The following HAPLN1 variants were observed in gnomAD, a reference collection of about 807,000 sequenced individuals.
HAPLN1 encodes the protein Cartilage link protein.
In HAPLN1, 13 loss-of-function variants were observed where a neutral mutation model predicts 36.5. The ratio of observed to expected loss-of-function variants is 0.36; its 90% confidence interval spans 0.23 to 0.57. The LOEUF (loss-of-function observed/expected upper bound fraction) is 0.57. Ranked by LOEUF, HAPLN1 falls within the 20% of genes least tolerant of loss-of-function variation. The pLI is 0.83. For synonymous variants in HAPLN1, 202 were observed against 169.8 expected (o/e 1.19, Z -1.48); for missense variants, 407 against 439.7 (o/e 0.93, Z 0.66).
Position 83,641,298 on chromosome 5 carries a change from T to C in HAPLN1, c.*198A>G. The C allele has an allele frequency of 3.4e-6, 1 of 292,448 alleles. No homozygotes were observed. Among genetic ancestry groups the C allele is most frequent in the East Asian group, 6.3e-5 (1 of 15,750 alleles). 18.1% of individuals were successfully genotyped at this position (292,448 alleles called of 1,614,324 possible). On this transcript the variant is annotated 3_prime_UTR_variant, in exon 5 of 5. Coordinates refer to ENST00000274341, the MANE Select transcript of HAPLN1 (RefSeq NM_001884.4). The stretch of plus-strand genomic sequence containing the variant: ...TTACATAGAGCTTCCCTTAAATTTA[T>C]ATTAATTTATAATATATATTGAATG...
At chr5:83,642,804 G>A (rs1749739272) in intron 4 of HAPLN1, among the ~76,000 whole-genome samples, 1 of 152,140 alleles carries the variant, frequency 6.6e-6, no homozygotes, top group South Asian at 2.1e-4. Flanking sequence ...TAGAGGTTAA[G>A]TACAATCATC....
chr5:83,647,105 G>A (rs1034194085), intron 3 of HAPLN1, among the ~76,000 whole-genome samples: 1 of 152,048 alleles, frequency 6.6e-6, no homozygotes, highest in Non-Finnish European at 1.5e-5. Context: ...CATAAACATC[G>A]GGACAAGTTT....
chr5:83,642,507 GTT>G (rs943500938), intron 4 of HAPLN1, among the ~76,000 whole-genome samples: 7 of 152,140 alleles, frequency 4.6e-5, no homozygotes, highest in Admixed American at 2.6e-4. Context: ...ATTGAATAGT[GTT>G]AATTACTGAG....
At chr5:83,666,241 T>C (rs552786352) in intron 2 of HAPLN1, among the ~76,000 whole-genome samples, 1 of 152,164 alleles carries the variant, frequency 6.6e-6, no homozygotes, top group South Asian at 2.1e-4. Flanking sequence ...TATTATTTCT[T>C]GATATTTGGT....
chr5:83,647,837 G>A (rs1294982470), intron 3 of HAPLN1, among the ~76,000 whole-genome samples: 1 of 152,038 alleles, frequency 6.6e-6, no homozygotes, highest in Non-Finnish European at 1.5e-5. Context: ...AAAAGGCAGC[G>A]ACCATGTAGC....
intron 2 of HAPLN1, 91 bp downstream of exon 2, chr5:83,673,333 G>A: frequency 3.5e-6 from 3 of 856,964 alleles, no homozygotes; most frequent in East Asian, 5.2e-5. Flanking sequence ...CAATGCAGCA[G>A]AACTAAAATT....
intron 3 of HAPLN1, among the ~76,000 whole-genome samples, chr5:83,650,055 C>A (rs1213581745): frequency 2.0e-5 from 3 of 152,218 alleles, no homozygotes; most frequent in Non-Finnish European, 4.4e-5. Context: ...CCTAGCTTAT[C>A]GCTCCAATAA....
intron 4 of HAPLN1, among the ~76,000 whole-genome samples, chr5:83,642,989 G>T (rs1263791957): frequency 6.6e-6 from 1 of 152,006 alleles, no homozygotes; most frequent in Admixed American, 6.6e-5. Flanking sequence ...ACACCATATG[G>T]CCAGCAAAGC....
intron 3 of HAPLN1, among the ~76,000 whole-genome samples, chr5:83,651,639 AG>A (rs1750066327): frequency 1.9e-5 from 1 of 52,158 alleles, no homozygotes; most frequent in East Asian, 3.5e-4. Context: ...GCGTACACTT[AG>A]AGTTTTATGT....
Position 83,641,430 on chromosome 5 carries a change from T to C in HAPLN1, c.*66A>G. The C allele has an allele frequency of 7.0e-7, 1 of 1,437,138 alleles. No homozygotes were observed. Among genetic ancestry groups the C allele is most frequent in the South Asian group, 1.4e-5 (1 of 70,010 alleles). 89.0% of individuals were successfully genotyped at this position (1,437,138 alleles called of 1,614,324 possible). On this transcript the variant is annotated 3_prime_UTR_variant, in exon 5 of 5. Transcript: ENST00000274341. ...TTTGGTAACTTGCATGAGTTCATAT[T>C]GGAAAAAAAAAACACCTTTCACATG...
At chr5:83,704,770 C>G (rs1396519209) in intron 1 of HAPLN1, among the ~76,000 whole-genome samples, 1 of 152,130 alleles carries the variant, frequency 6.6e-6, no homozygotes, top group East Asian at 1.9e-4. Flanking sequence ...TCTTAGAGAC[C>G]TGCAAAGAGA....
chr5:83,662,403 C>T (rs555651799), intron 2 of HAPLN1, among the ~76,000 whole-genome samples: 1 of 152,202 alleles, frequency 6.6e-6, no homozygotes, highest in South Asian at 2.1e-4. Context: ...GAGTTGTCTG[C>T]TCTGGTTAAT....
Position 83,652,813 on chromosome 5 carries a change from G to C in HAPLN1, c.112C>G (p.Pro38Ala). 1.9e-6 allele frequency: 3 copies of C among 1,572,104 alleles called. No homozygotes were observed. The South Asian group carries it at 3.6e-5, about 19-fold the overall frequency. ...TGCTCTGCTTCCACAAGTAGATGGG[G>C]GCCATTTTCTGCTATAATTAAAAAG... is the stretch of plus-strand genomic sequence containing the variant. The part of the protein sequence containing the change: ...RAIHIQAENG[P>A]HLLVEAEQAK... Residue 38 changes from proline (P) to alanine (A), a missense_variant, in exon 3 of 5, where the codon CCC (proline) becomes GCC (alanine). Pro to Ala is a conservative substitution (Grantham distance 27). Coordinates refer to ENST00000274341, the MANE Select transcript of HAPLN1 (RefSeq NM_001884.4).
chr5:83,703,002 A>G (rs1751546224), intron 1 of HAPLN1, among the ~76,000 whole-genome samples: 1 of 152,180 alleles, frequency 6.6e-6, no homozygotes, highest in Non-Finnish European at 1.5e-5. Context: ...GTGAACCACC[A>G]TATCTGGCCT....
At chr5:83,683,878 C>T (rs1751059664) in intron 1 of HAPLN1, among the ~76,000 whole-genome samples, 2 of 151,916 alleles carry the variant, frequency 1.3e-5, no homozygotes, top group South Asian at 2.1e-4. Context: ...CTGAGATGGA[C>T]TTCTAACAGT....
At chr5:83,685,671 G>C (rs187275788) in intron 1 of HAPLN1, among the ~76,000 whole-genome samples, 10 of 152,064 alleles carry the variant, frequency 6.6e-5, no homozygotes, top group Admixed American at 1.3e-4. Flanking sequence ...TTGAGTTTTC[G>C]TGAGTGTTCA....
chr5:83,641,860 G>A (rs886957267), intron 4 of HAPLN1, 75 bp from the exon 5 acceptor site: 3 of 1,456,584 alleles, frequency 2.1e-6, no homozygotes, highest in Non-Finnish European at 1.9e-6. Flanking sequence ...AGCCAAAAAC[G>A]GAAGTGTTTC....
intron 1 of HAPLN1, among the ~76,000 whole-genome samples, chr5:83,681,961 CAA>C (rs910092064): frequency 6.6e-6 from 1 of 152,026 alleles, no homozygotes; most frequent in African/African-American, 2.4e-5. Flanking sequence ...TAATTTGAAA[CAA>C]GAGTTTTTAA....
At chr5:83,669,640 T>C (rs1010920170) in intron 2 of HAPLN1, among the ~76,000 whole-genome samples, 2 of 152,242 alleles carry the variant, frequency 1.3e-5, no homozygotes, top group Non-Finnish European at 2.9e-5. Flanking sequence ...TGTTAACAAA[T>C]GTACTTTGAA....
Sources: allele counts gnomAD v4.1 joint callset (sites outside exome capture counted in the v4.1 genomes callset), GRCh38; gene constraint gnomAD v4.1.1; transcripts MANE v1.5; gene names NCBI Gene and HGNC (gene_info 2026-07-23, HGNC 2026-07-21).